NUP133: variants seen among roughly 807,000 people sequenced by gnomAD.
NUP133 encodes the protein nuclear pore complex protein Nup133.
Under a neutral mutation model 146.2 loss-of-function variants are expected in NUP133, and 66 were observed. The ratio of observed to expected loss-of-function variants is 0.45; its 90% CI spans 0.37 to 0.55. NUP133 has a LOEUF of 0.55. Among genes scored for constraint, NUP133 ranks in the 20% least tolerant of loss-of-function variants. NUP133 has a pLI of 0.00. For missense variants in NUP133, 1,277 were observed against 1,374.8 expected (o/e 0.93, Z 1.12); for synonymous variants, 521 against 498.8 (o/e 1.04, Z -0.59).
At chr1:229,463,943 C>T (rs1032273968) in intron 18 of NUP133, among the ~76,000 whole-genome samples, 2 of 151,842 alleles carry the variant, frequency 1.3e-5, no homozygotes, top group Non-Finnish European at 2.9e-5. Flanking sequence ...GTCAGGAGTT[C>T]GAGTCCCGCC....
intron 21 of NUP133, among the ~76,000 whole-genome samples, chr1:229,456,699 ATGTG>A (rs1002932428): frequency 1.3e-5 from 2 of 151,676 alleles, no homozygotes; most frequent in East Asian, 1.9e-4. Context: ...AGAAATACGT[ATGTG>A]TGTGTGTGTA....
At chr1:229,461,555 C>T (rs1660690042) in intron 19 of NUP133, among the ~76,000 whole-genome samples, 1 of 152,018 alleles carries the variant, frequency 6.6e-6, no homozygotes, top group South Asian at 2.1e-4. Flanking sequence ...GGAAAATCCA[C>T]GAGGGGACAA....
chr1:229,486,522 C>G lies in NUP133; in HGVS notation c.1349G>C (p.Ser450Thr). Residue 450 changes from serine to threonine, a missense_variant, in exon 11 of 26, where the codon AGT becomes ACT. Transcript: ENST00000261396. Reference protein sequence around the residue: ...EKIVFNAQGDSVLGAGACGGV... With the variant: ...EKIVFNAQGDTVLGAGACGGV... ...ACCACAGGCACCAGCACCTAAAACA[C>G]TATCTCCTAAAAGAAAGGAAAACAG... is the stretch of plus-strand genomic sequence containing the variant. 1 of 1,605,602 alleles carries G rather than the reference C, an allele frequency of 6.2e-7. No individual in the cohort carries two copies.
chr1:229,488,173 A>C (rs1661409073), intron 9 of NUP133, among the ~76,000 whole-genome samples: 1 of 152,222 alleles, frequency 6.6e-6, no homozygotes, highest in Non-Finnish European at 1.5e-5. Context: ...AAATTAACAA[A>C]TTTGGAAAAC....
At chr1:229,504,577 C>T (rs1661887058) in intron 2 of NUP133, among the ~76,000 whole-genome samples, 1 of 152,198 alleles carries the variant, frequency 6.6e-6, no homozygotes. Context: ...TTTGTGCACA[C>T]AGCCTCTGGG....
At chr1:229,502,245 C>T (rs917933871) in intron 2 of NUP133, 143 bp from the exon 3 acceptor site, 2 of 601,880 alleles carry the variant, frequency 3.3e-6, no homozygotes, top group African/African-American at 1.9e-5. Flanking sequence ...TTATCAACAC[C>T]AAAAACAATA....
intron 21 of NUP133, 68 bp from the exon 22 acceptor site, chr1:229,452,711 T>A: frequency 8.1e-7 from 1 of 1,238,674 alleles, no homozygotes; most frequent in Non-Finnish European, 1.1e-6. Context: ...TCATTTTTGC[T>A]GTCATAAAAC....
intron 8 of NUP133, among the ~76,000 whole-genome samples, chr1:229,493,460 G>A (rs914165108): frequency 6.6e-6 from 1 of 152,164 alleles, no homozygotes; most frequent in African/African-American, 2.4e-5. Flanking sequence ...GATTATATGC[G>A]TGAGCCACCC....
Position 229,443,094 on chromosome 1 carries a change from C to T in NUP133, c.3335-1054G>A, listed in dbSNP as rs1383821721. 4.6e-5 allele frequency among the ~76,000 whole-genome samples: 7 copies of T among 152,092 alleles called. No individual in the cohort carries two copies. The East Asian group carries it at 9.6e-4, about 21-fold the overall frequency. ...CCAGGCTGGAGTGGAATGGTACGATCGTAGCTCACTGTAGCTTCAATCCTT... is the reference window on the plus strand; with the variant it reads ...CCAGGCTGGAGTGGAATGGTACGATTGTAGCTCACTGTAGCTTCAATCCTT... On this transcript the variant is annotated intron_variant, in intron 25 of 25. Coordinates refer to ENST00000261396, the MANE Select transcript of NUP133 (RefSeq NM_018230.3).
intron 1 of NUP133, among the ~76,000 whole-genome samples, chr1:229,507,529 A>ACTT (rs1661975824): frequency 6.6e-6 from 1 of 152,154 alleles, no homozygotes; most frequent in African/African-American, 2.4e-5. Flanking sequence ...CACTTATGTA[A>ACTT]AGCCTTTTCC....
Position 229,508,318 on chromosome 1 carries a change from GAACTTA to G in NUP133, c.-75_-70del. ...CAGGTTGCAGCCTGGCCTGCGCGCGGAACTTAAACACCTAAGGGAAGAGATGGCGCG... is the reference window on the plus strand; with the variant it reads ...CAGGTTGCAGCCTGGCCTGCGCGCGGAACACCTAAGGGAAGAGATGGCGCG... On this transcript the variant is annotated 5_prime_UTR_variant, in exon 1 of 26. Transcript: ENST00000261396. 1 of 1,195,810 alleles carries G rather than the reference GAACTTA, an allele frequency of 8.4e-7. No individual in the cohort carries two copies. The highest frequency in any genetic ancestry group is 1.9e-5 in the South Asian group (1 of 52,136). The allele number at this position is 1,195,810 out of a possible 1,614,324, so 74.1% of individuals were successfully genotyped here. A position where few individuals can be genotyped will look rare whatever the true frequency, so the allele number is the denominator to read the frequency against.
Position 229,508,172 on chromosome 1 carries a change from G to A in NUP133, c.78C>T (p.Gly26=), listed in dbSNP as rs1245583369. The stretch of plus-strand genomic sequence containing the variant: ...TCCTGCTAGCCGTCCGGGGCGTGGA[G>A]CCGGGCCCGAGTCCGGCCAGCGGGC... The part of the protein sequence containing the change: ...RRGPLAGLGP[G]STPRTASRKG... The change falls in exon 1 of 26, where the codon GGC becomes GGT. Residue 26 remains glycine, a synonymous_variant. Transcript: ENST00000261396. 6.3e-7 allele frequency: 1 copy of A among 1,591,150 alleles called. No homozygotes were observed. The highest frequency in any genetic ancestry group is 1.1e-5 in the South Asian group (1 of 88,664).
chr1:229,483,695 T>TC (rs1434155241), intron 12 of NUP133, among the ~76,000 whole-genome samples: 2 of 50,086 alleles, frequency 4.0e-5, no homozygotes, highest in Non-Finnish European at 7.4e-5. Flanking sequence ...ACGGAGTGTC[T>TC]CAAAAAAAAA....
intron 23 of NUP133, among the ~76,000 whole-genome samples, chr1:229,449,874 T>TATATATATATATATTTATTTTTTTA (rs1491123491): frequency 1.3e-5 from 1 of 78,016 alleles, no homozygotes; most frequent in Non-Finnish European, 2.4e-5. Flanking sequence ...TATATATATA[T>TATATATATATATATTTATTTTTTTA]TTTTTTTTTT....
chr1:229,455,840 C>G (rs1660547036), intron 21 of NUP133, among the ~76,000 whole-genome samples: 1 of 152,170 alleles, frequency 6.6e-6, no homozygotes, highest in African/African-American at 2.4e-5. Flanking sequence ...AACATCAATA[C>G]AGTTATATCA....
At chr1:229,464,134 C>T (rs549530856) in intron 18 of NUP133, among the ~76,000 whole-genome samples, 5 of 152,080 alleles carry the variant, frequency 3.3e-5, no homozygotes, top group South Asian at 4.2e-4. Context: ...GAGAGAGTGA[C>T]GCTCTGTCTC....
chr1:229,508,255 C>T lies in NUP133; in HGVS notation c.-6G>A, dbSNP rs1356277239. On this transcript the variant is annotated 5_prime_UTR_variant, in exon 1 of 26. Coordinates refer to ENST00000261396, the MANE Select transcript of NUP133 (RefSeq NM_018230.3). ...GAAGGGGCGGCTGGGAACATGACTC[C>T]AAGGAGCAGCGACTAGGACAGCGAG... 6.6e-7 allele frequency: 1 copy of T among 1,504,292 alleles called. No individual in the cohort carries two copies. Among genetic ancestry groups the T allele is most frequent in the Admixed American group, 2.5e-5 (1 of 40,650 alleles). The allele number at this position is 1,504,292 out of a possible 1,614,324, so 93.2% of individuals were successfully genotyped here.
intron 15 of NUP133, among the ~76,000 whole-genome samples, chr1:229,468,632 T>C (rs1660880667): frequency 6.6e-6 from 1 of 152,210 alleles, no homozygotes; most frequent in South Asian, 2.1e-4. Context: ...CTGAAACATG[T>C]ACATACACTA....
intron 25 of NUP133, 92 bp from the exon 26 acceptor site, chr1:229,442,132 A>G: frequency 8.2e-7 from 1 of 1,222,886 alleles, no homozygotes; most frequent in Non-Finnish European, 1.1e-6. Context: ...CTGTGCTTCT[A>G]TTTAAATATA....
Sources: allele counts gnomAD v4.1 joint callset (sites outside exome capture counted in the v4.1 genomes callset), GRCh38; gene constraint gnomAD v4.1.1; transcripts MANE v1.5; gene names NCBI Gene and HGNC (gene_info 2026-07-23, HGNC 2026-07-21).